The following RIMOC1 variants were observed in gnomAD, a reference collection of about 807,000 sequenced individuals.
The protein encoded by RIMOC1 is RAB7A-interacting MON1-CCZ1 complex subunit 1.
the RIMOC1 span, chr5:41,919,275 G>C: frequency 6.6e-6 from 1 of 152,144 alleles, no homozygotes; most frequent in Non-Finnish European, 1.5e-5. Context: ...ATTTTCCGCA[G>C]ATCAGGGCAA....
At chr5:41,915,941 A>G in the RIMOC1 span, among the ~76,000 whole-genome samples, 2 of 152,232 alleles carry the variant, frequency 1.3e-5, no homozygotes, top group African/African-American at 4.8e-5. Context: ...GATACTTTAA[A>G]AAGCTTGCAA....
chr5:41,913,554 G>A, the RIMOC1 span, among the ~76,000 whole-genome samples: 8 of 152,278 alleles, frequency 5.3e-5, no homozygotes, highest in East Asian at 1.4e-3. Context: ...ATAGCTGCAA[G>A]TAACATTAGA....
At chr5:41,917,232 A>G in the RIMOC1 span, 1 of 1,613,728 alleles carries the variant, frequency 6.2e-7, no homozygotes, top group African/African-American at 1.3e-5. Flanking sequence ...GGACCCCTGA[A>G]AGAACAAGAA....
chr5:41,920,960 G>A, the RIMOC1 span: 4 of 152,514 alleles, frequency 2.6e-5, no homozygotes, highest in South Asian at 2.1e-4. Context: ...TTTCACAGTC[G>A]TTAAATGTGT....
chr5:41,907,732 A>G, the RIMOC1 span: 23 of 1,581,400 alleles, frequency 1.5e-5, no homozygotes, highest in Non-Finnish European at 2.0e-5. Flanking sequence ...TTTATTTCTT[A>G]TAGATCACTT....
chr5:41,917,354 AAG>A, the RIMOC1 span: 1 of 1,507,656 alleles, frequency 6.6e-7, no homozygotes, highest in Non-Finnish European at 8.8e-7. Context: ...TGAAATGGAA[AAG>A]AGAGTTCCAA....
At chr5:41,912,357 C>A in the RIMOC1 span, among the ~76,000 whole-genome samples, 1 of 152,110 alleles carries the variant, frequency 6.6e-6, no homozygotes, top group African/African-American at 2.4e-5. Context: ...TGATGTAATA[C>A]AGAAAAATAT....
At chr5:41,914,701 TTGAGGCTGCAG>T in the RIMOC1 span, among the ~76,000 whole-genome samples, 1 of 151,906 alleles carries the variant, frequency 6.6e-6, no homozygotes, top group East Asian at 1.9e-4. Flanking sequence ...GCCCAGGAGT[TTGAGGCTGCAG>T]TGAGCCCTGA....
the RIMOC1 span, among the ~76,000 whole-genome samples, chr5:41,908,653 A>T: frequency 1.3e-5 from 2 of 152,090 alleles, no homozygotes; most frequent in Non-Finnish European, 2.9e-5. Context: ...AACTGTTTTA[A>T]GTTTGGCAGG....
At chr5:41,910,231 C>G in the RIMOC1 span, among the ~76,000 whole-genome samples, 1 of 151,904 alleles carries the variant, frequency 6.6e-6, no homozygotes, top group Non-Finnish European at 1.5e-5. Flanking sequence ...TCTTACAGTC[C>G]TTATTCTCTC....
At chr5:41,908,394 GGT>G in the RIMOC1 span, 1 of 152,344 alleles carries the variant, frequency 6.6e-6, no homozygotes, top group African/African-American at 2.4e-5. Context: ...ATTTTATTAT[GGT>G]AACTAACATC....
At chr5:41,913,158 G>A in the RIMOC1 span, among the ~76,000 whole-genome samples, 1 of 152,248 alleles carries the variant, frequency 6.6e-6, no homozygotes, top group Admixed American at 6.5e-5. Context: ...TGGCAAAAGG[G>A]AATTTCAGCC....
At chr5:41,910,956 TG>T in the RIMOC1 span, 16 of 1,432,074 alleles carry the variant, frequency 1.1e-5, no homozygotes, top group East Asian at 3.8e-4. Context: ...GACTTGAGAA[TG>T]TTTTTAATCG....
chr5:41,910,343 A>C, the RIMOC1 span, among the ~76,000 whole-genome samples: 3 of 151,746 alleles, frequency 2.0e-5, no homozygotes, highest in Admixed American at 6.6e-5. Flanking sequence ...TCTTGCTAGC[A>C]ACTGTTCTGC....
the RIMOC1 span, chr5:41,911,269 A>G: frequency 8.1e-7 from 1 of 1,238,140 alleles, no homozygotes; most frequent in Non-Finnish European, 1.1e-6. Context: ...GTAGTGGATC[A>G]AAGGGTCTGA....
At chr5:41,908,306 C>G in the RIMOC1 span, 1 of 153,228 alleles carries the variant, frequency 6.5e-6, no homozygotes, top group African/African-American at 2.4e-5. Context: ...CTTTCCAAAT[C>G]AGGCTGCTGT....
the RIMOC1 span, chr5:41,911,254 T>A: frequency 7.3e-7 from 1 of 1,375,752 alleles, no homozygotes; most frequent in Non-Finnish European, 9.9e-7. Context: ...GTTGTACTAC[T>A]AAGAGTAGTG....
At chr5:41,918,391 T>G in the RIMOC1 span, 1 of 985,828 alleles carries the variant, frequency 1.0e-6, no homozygotes, top group Non-Finnish European at 1.2e-6. Context: ...TTACCCCCTT[T>G]TCTTGACTGC....
the RIMOC1 span, chr5:41,912,068 G>A: frequency 1.9e-6 from 3 of 1,559,912 alleles, no homozygotes; most frequent in Non-Finnish European, 2.7e-6. Flanking sequence ...CTTTTATTTA[G>A]TACCTTCTTG....
Sources: gnomAD v4.1 joint callset for allele counts (sites outside exome capture counted in the v4.1 genomes callset) on GRCh38, gnomAD v4.1.1 for gene constraint, MANE v1.5 for transcripts, NCBI Gene and HGNC (gene_info 2026-07-23, HGNC 2026-07-21) for gene names.